Variants in TRPM2 observed in about 807,000 individuals in gnomAD.
TRPM2 encodes transient receptor potential cation channel subfamily M member 2.
Under a neutral mutation model 174.0 loss-of-function variants are expected in TRPM2, and 161 were observed. That is an observed-to-expected ratio of 0.93 (90% CI 0.81 to 1.05). The LOEUF (loss-of-function observed/expected upper bound fraction) is 1.05. TRPM2 is among the 50% of genes least tolerant of loss of function. TRPM2 has a pLI of 0.00. For synonymous variants in TRPM2, 954 were observed against 861.3 expected (o/e 1.11, Z -1.88); for missense variants, 2,057 against 2,038.0 (o/e 1.01, Z -0.18).
upstream of TRPM2, among the ~76,000 whole-genome samples, chr21:44,352,662 G>A (rs1448687312): frequency 6.6e-6 from 1 of 152,214 alleles, no homozygotes; most frequent in Non-Finnish European, 1.5e-5. Flanking sequence ...CACTGTGGGT[G>A]TCAGGGACTC....
At chr21:44,417,079 C>T in intron 20 of TRPM2, among the ~76,000 whole-genome samples, 3 of 118,752 alleles carry the variant, frequency 2.5e-5, no homozygotes, top group South Asian at 3.1e-4. Flanking sequence ...GGCACGTGGG[C>T]ATGGCTCTGC....
rs1601235350 is a variant in TRPM2, at chr21:44,425,574, G to A, written c.3638-96G>A. ...CTCGGGGAGGTGGAGGAGCCCAGAT[G>A]TTTTGGCGGAAGGACCACAGAGGAA... On this transcript the variant is annotated intron_variant, in intron 24 of 31. Coordinates refer to ENST00000397928, the MANE Select transcript of TRPM2 (RefSeq NM_003307.4). 7 of 1,371,368 alleles carry A rather than the reference G, an allele frequency of 5.1e-6. 1 individual carries two copies. The East Asian group carries it at 1.4e-4, about 27-fold the overall frequency. 84.9% of individuals were successfully genotyped at this position (1,371,368 alleles called of 1,614,324 possible).
intron 12 of TRPM2, among the ~76,000 whole-genome samples, chr21:44,397,412 C>T (rs935751525): frequency 8.5e-5 from 13 of 152,178 alleles, no homozygotes; most frequent in African/African-American, 2.9e-4. Context: ...CCGAGTCTCA[C>T]TGGGCACGCA....
At chr21:44,355,432 C>T (rs1006893218) in intron 2 of TRPM2, among the ~76,000 whole-genome samples, 2 of 152,228 alleles carry the variant, frequency 1.3e-5, no homozygotes, top group Non-Finnish European at 2.9e-5. Context: ...ACGCTTCCTC[C>T]TTTTACTCCA....
At chr21:44,421,555 G>A (rs1173731238) in intron 22 of TRPM2, among the ~76,000 whole-genome samples, 2 of 152,010 alleles carry the variant, frequency 1.3e-5, no homozygotes, top group African/African-American at 2.4e-5. Flanking sequence ...AGGATTGCTC[G>A]AGCCCAGGAG....
rs770601666 is a variant in TRPM2 at position 44,369,289 on chromosome 21, C to T, written c.717C>T (p.Ile239=). The change falls in exon 5 of 32, where the codon ATC becomes ATT. Residue 239 remains isoleucine, a synonymous_variant. Coordinates refer to ENST00000397928, the MANE Select transcript of TRPM2 (RefSeq NM_003307.4). ...ACAAGGAAGGCGAGCTCATCACCAT[C>T]GGAGTCGCCACCTGGGGCACTGTCC... ...SSYKEGELIT[I]GVATWGTVHR... 5.1e-5 allele frequency: 83 copies of T among 1,613,656 alleles called. No individual in the cohort carries two copies. The highest frequency in any genetic ancestry group is 6.8e-5 in the Non-Finnish European group (80 of 1,179,914).
Position 44,441,970 on chromosome 21 carries a change from T to A in TRPM2, c.*153T>A. 1.7e-6 allele frequency: 2 copies of A among 1,156,842 alleles called. No individual in the cohort carries two copies. Among genetic ancestry groups the A allele is most frequent in the Non-Finnish European group, 2.3e-6 (2 of 875,634 alleles). 71.7% of individuals were successfully genotyped at this position (1,156,842 alleles called of 1,614,324 possible). ...CAGTGCCCCTCACGGCTGCCGCAAG[T>A]CTGCTGCAGATGACCTCATGAACTG... On this transcript the variant is annotated 3_prime_UTR_variant, in exon 32 of 32. Coordinates refer to ENST00000397928, the MANE Select transcript of TRPM2 (RefSeq NM_003307.4).
chr21:44,419,824 G>A (rs1434478601), intron 22 of TRPM2, among the ~76,000 whole-genome samples: 1 of 150,996 alleles, frequency 6.6e-6, no homozygotes, highest in South Asian at 2.1e-4. Flanking sequence ...AGTGGTGGTG[G>A]TGGTGATGGT....
In TRPM2 at chr21:44,441,707, G is replaced by C. The variant is rs145895219; in HGVS notation, c.4402G>C (p.Asp1468His). Residue 1468 changes from aspartate (D) to histidine (H), a missense_variant, in exon 32 of 32, where the codon GAC (aspartate) becomes CAC (histidine). Physicochemically the swap from Asp to His is moderately conservative, Grantham distance 81. Coordinates refer to ENST00000397928, the MANE Select transcript of TRPM2 (RefSeq NM_003307.4). ...GTTCTTCCAGAACCTGCACGCCTGC[G>C]ACTCGGGGGCCTCCATCCGATGGCA... Reference protein sequence around the residue: ...NRLNSNLHACDSGASIRWQVV... With the variant: ...NRLNSNLHACHSGASIRWQVV... The C allele has an allele frequency of 1.2e-6, 2 of 1,611,004 alleles. No individual in the cohort carries two copies. The highest frequency in any genetic ancestry group is 1.3e-5 in the African/African-American group (1 of 75,030).
chr21:44,372,978 G>A (rs1041586526), intron 5 of TRPM2, among the ~76,000 whole-genome samples: 1 of 152,132 alleles, frequency 6.6e-6, no homozygotes, highest in South Asian at 2.1e-4. Flanking sequence ...CAGTGTTGTT[G>A]TTGATATAAC....
chr21:44,358,963 C>G (rs115915326), intron 2 of TRPM2, among the ~76,000 whole-genome samples: 1 of 150,920 alleles, frequency 6.6e-6, no homozygotes. Flanking sequence ...GGGACCCGAG[C>G]AGTTTGCCGC....
intron 27 of TRPM2, among the ~76,000 whole-genome samples, 179 bp downstream of exon 27, chr21:44,427,290 T>C (rs1232607327): frequency 6.6e-6 from 1 of 152,244 alleles, no homozygotes; most frequent in African/African-American, 2.4e-5. Flanking sequence ...AGGACTGGGC[T>C]TGGGGGCGTG....
chr21:44,431,695 C>G (rs985764133), intron 27 of TRPM2, among the ~76,000 whole-genome samples: 2 of 152,198 alleles, frequency 1.3e-5, no homozygotes, highest in Non-Finnish European at 2.9e-5. Flanking sequence ...TCAGCCTGGT[C>G]TTGAACTCCT....
intron 12 of TRPM2, among the ~76,000 whole-genome samples, chr21:44,397,471 G>A (rs1163454517): frequency 6.6e-6 from 1 of 152,222 alleles, no homozygotes; most frequent in Non-Finnish European, 1.5e-5. Flanking sequence ...TCCGATGGGG[G>A]CTGGTGCATG....
At chr21:44,372,782 CT>C (rs2146181995) in intron 5 of TRPM2, among the ~76,000 whole-genome samples, 1 of 152,324 alleles carries the variant, frequency 6.6e-6, no homozygotes, top group African/African-American at 2.4e-5. Flanking sequence ...GCAGAATGCA[CT>C]AGGTGATAAG....
chr21:44,424,702 A>C, intron 23 of TRPM2, 150 bp from the exon 24 acceptor site: 1 of 518,304 alleles, frequency 1.9e-6, no homozygotes, highest in Non-Finnish European at 3.3e-6. Context: ...CTGCCTGGGG[A>C]GGACGTGGTG....
In TRPM2 at chr21:44,440,777, C is replaced by T; in HGVS notation, c.4270-12C>T. On this transcript the variant is annotated splice_polypyrimidine_tract_variant and intron_variant, in intron 30 of 31. Coordinates refer to ENST00000397928, the MANE Select transcript of TRPM2 (RefSeq NM_003307.4). ...CCCTCGCTGTCGGGCTTACCCTGCCCTGCCCATCCAGGTGTACAAAGGCTA... is the reference window on the plus strand; with the variant it reads ...CCCTCGCTGTCGGGCTTACCCTGCCTTGCCCATCCAGGTGTACAAAGGCTA... 6.2e-7 allele frequency: 1 copy of T among 1,612,180 alleles called. No individual in the cohort carries two copies. Among genetic ancestry groups the T allele is most frequent in the Non-Finnish European group, 8.5e-7 (1 of 1,178,778 alleles).
At position 44,435,186 on chromosome 21, in the gene TRPM2, C is replaced by G; in HGVS notation, c.4030C>G (p.Pro1344Ala). 6.2e-7 allele frequency: 1 copy of G among 1,613,428 alleles called. No homozygotes were observed. The highest frequency in any genetic ancestry group is 8.5e-7 in the Non-Finnish European group (1 of 1,179,594). The change falls in exon 28 of 32, where the codon CCC becomes GCC. Residue 1344 changes from proline (P) to alanine (A), a missense_variant. Pro to Ala is a conservative substitution (Grantham distance 27). Coordinates refer to ENST00000397928, the MANE Select transcript of TRPM2 (RefSeq NM_003307.4). ...GCGCGGGAGCCTCAGCTGCTTCGGA[C>G]CCAACCACACGCTGTACCCCATGGT... is the stretch of plus-strand genomic sequence containing the variant. The part of the protein sequence containing the change: ...RGRGSLSCFG[P>A]NHTLYPMVTR...
chr21:44,392,711 G>T (rs2049220926), intron 11 of TRPM2, among the ~76,000 whole-genome samples: 1 of 152,040 alleles, frequency 6.6e-6, no homozygotes, highest in South Asian at 2.1e-4. Context: ...ATGAATTTTA[G>T]GGGGGACAGA....
Sources: gnomAD v4.1 joint callset for allele counts (sites outside exome capture counted in the v4.1 genomes callset) on GRCh38, gnomAD v4.1.1 for gene constraint, MANE v1.5 for transcripts, NCBI Gene and HGNC (gene_info 2026-07-23, HGNC 2026-07-21) for gene names.